Variants in FANCC observed in about 807,000 individuals in gnomAD.
The protein encoded by FANCC is Fanconi anemia group C protein.
Under a neutral mutation model 71.3 loss-of-function variants are expected in FANCC, and 55 were observed. That is an observed-to-expected ratio of 0.77 (90% CI 0.62 to 0.97). The LOEUF is 0.97. Among genes scored for constraint, FANCC ranks in the 50% least tolerant of loss-of-function variants. The probability of loss-of-function intolerance (pLI) is 0.00; values close to 1 mark genes in which losing one functional copy is unlikely to be tolerated. For missense variants in FANCC, 678 were observed against 670.9 expected (o/e 1.01, Z -0.12); for synonymous variants, 275 against 244.9 (o/e 1.12, Z -1.15).
intron 3 of FANCC, among the ~76,000 whole-genome samples, chr9:95,242,513 CAGTTTATG>C (rs907742948): frequency 6.1e-5 from 9 of 148,214 alleles, no homozygotes; most frequent in African/African-American, 9.9e-5. Flanking sequence ...AAGGAAATGT[CAGTTTATG>C]AGTTTATGAA....
At chr9:95,209,167 T>C (rs1185044758) in intron 4 of FANCC, among the ~76,000 whole-genome samples, 1 of 152,128 alleles carries the variant, frequency 6.6e-6, no homozygotes, top group African/African-American at 2.4e-5. Context: ...CAGGACATTC[T>C]GGGGAAGGAA....
At chr9:95,168,347 A>T (rs1825441734) in intron 6 of FANCC, among the ~76,000 whole-genome samples, 1 of 152,188 alleles carries the variant, frequency 6.6e-6, no homozygotes, top group Non-Finnish European at 1.5e-5. Flanking sequence ...CATCGGCAGC[A>T]CTGTCAATTC....
intron 4 of FANCC, among the ~76,000 whole-genome samples, chr9:95,236,265 T>C (rs1416416313): frequency 1.3e-5 from 2 of 152,314 alleles, no homozygotes; most frequent in East Asian, 1.9e-4. Flanking sequence ...TCCCCATCTA[T>C]TGTAGCATCT....
At chr9:95,139,821 AATATATATATATTTAT>A (rs1031750344) in intron 7 of FANCC, among the ~76,000 whole-genome samples, 13 of 145,876 alleles carry the variant, frequency 8.9e-5, no homozygotes, top group Admixed American at 4.1e-4. Context: ...TGACAAAATG[AATATATATATATTTAT>A]ATATATATAT....
rs1588181383 is a variant in FANCC, at chr9:95,149,953, A to T, written c.656T>A (p.Phe219Tyr). ...AATGGCCTCGTTTACAGCCTCAAAG[A>T]ACTCTGGCTGGAGGATTTCCTGAGG... is the stretch of plus-strand genomic sequence containing the variant. ...REPQEILQPE[F>Y]FEAVNEAILL... is the part of the protein sequence containing the mutation. Residue 219 changes from phenylalanine to tyrosine, a missense_variant, in exon 7 of 15, where the codon TTC (phenylalanine) becomes TAC (tyrosine). By Grantham distance (22) the Phe-to-Tyr change is conservative. Coordinates refer to ENST00000289081, the MANE Select transcript of FANCC (RefSeq NM_000136.3). 1 of 1,610,638 alleles carries T rather than the reference A, an allele frequency of 6.2e-7. No homozygotes were observed. Among genetic ancestry groups the T allele is most frequent in the African/African-American group, 1.3e-5 (1 of 74,888 alleles).
intron 1 of FANCC, among the ~76,000 whole-genome samples, chr9:95,305,686 T>C (rs149535855): frequency 0.011 from 1,605 of 152,332 alleles, 28 homozygotes; most frequent in African/African-American, 0.036. Context: ...AGACTTATAC[T>C]GTATTTTTGC....
chr9:95,277,161 T>C (rs569576144), intron 1 of FANCC, among the ~76,000 whole-genome samples: 3 of 152,352 alleles, frequency 2.0e-5, no homozygotes, highest in Admixed American at 2.0e-4. Context: ...ACAATTCTGA[T>C]GTTAGTTCTG....
intron 4 of FANCC, among the ~76,000 whole-genome samples, chr9:95,187,620 G>A (rs903691428): frequency 6.6e-5 from 10 of 152,022 alleles, no homozygotes; most frequent in Admixed American, 3.9e-4. Context: ...TCTTCCAACA[G>A]GACAAACACC....
At chr9:95,281,644 C>G (rs1238993558) in intron 1 of FANCC, among the ~76,000 whole-genome samples, 1 of 152,132 alleles carries the variant, frequency 6.6e-6, no homozygotes, top group East Asian at 1.9e-4. Context: ...TCTGAAGTCT[C>G]TAATACTGTA....
chr9:95,133,464 C>T (rs1047322003), intron 8 of FANCC, among the ~76,000 whole-genome samples: 1 of 152,196 alleles, frequency 6.6e-6, no homozygotes, highest in Non-Finnish European at 1.5e-5. Context: ...CTGTGTGACT[C>T]GTGGGAGATT....
chr9:95,144,104 T>A (rs1829172456), intron 7 of FANCC, among the ~76,000 whole-genome samples: 1 of 152,092 alleles, frequency 6.6e-6, no homozygotes, highest in Non-Finnish European at 1.5e-5. Context: ...AAGCATGTGG[T>A]TTCCAAATGA....
intron 10 of FANCC, among the ~76,000 whole-genome samples, chr9:95,121,810 G>GATCAAACT (rs2072901060): frequency 6.6e-6 from 1 of 151,410 alleles, no homozygotes; most frequent in Non-Finnish European, 1.5e-5. Context: ...ATATATATGT[G>GATCAAACT]ATCAAACTAC....
chr9:95,244,678 C>CAAAAAAAAAAAAAA (rs576605250), intron 3 of FANCC, among the ~76,000 whole-genome samples: 1 of 41,554 alleles, frequency 2.4e-5, no homozygotes, highest in Non-Finnish European at 4.0e-5. Context: ...GACTTTGTCT[C>CAAAAAAAAAAAAAA]AAAAAAAAAA....
intron 4 of FANCC, among the ~76,000 whole-genome samples, chr9:95,190,698 G>C (rs750084216): frequency 6.6e-6 from 1 of 152,194 alleles, no homozygotes; most frequent in Non-Finnish European, 1.5e-5. Flanking sequence ...GACCAGAGCA[G>C]GTCAGCAGGG....
intron 1 of FANCC, among the ~76,000 whole-genome samples, chr9:95,265,821 C>T (rs376493589): frequency 2.6e-4 from 39 of 152,272 alleles, no homozygotes; most frequent in African/African-American, 9.1e-4. Flanking sequence ...CTCTGAAAAT[C>T]ACTGCAAATA....
chr9:95,259,366 C>T (rs1831877447), intron 1 of FANCC, among the ~76,000 whole-genome samples: 1 of 152,146 alleles, frequency 6.6e-6, no homozygotes, highest in African/African-American at 2.4e-5. Context: ...TGGAACAGAA[C>T]AGAGGCCTCA....
intron 4 of FANCC, among the ~76,000 whole-genome samples, chr9:95,196,459 G>A (rs1039341482): frequency 2.0e-5 from 3 of 152,056 alleles, no homozygotes; most frequent in Non-Finnish European, 4.4e-5. Context: ...GCCCCTATGT[G>A]TCTGTTTTAT....
chr9:95,153,094 A>C (rs1033491587), intron 6 of FANCC, among the ~76,000 whole-genome samples: 1 of 152,202 alleles, frequency 6.6e-6, no homozygotes, highest in Non-Finnish European at 1.5e-5. Flanking sequence ...CCCACTAATA[A>C]GTGAGAACAT....
rs1017276047 is a variant in FANCC at position 95,099,443 on chromosome 9, G to A, written c.*2264C>T. 11 of 225,982 alleles carry A rather than the reference G, an allele frequency of 4.9e-5. No homozygotes were observed. The highest frequency in any genetic ancestry group is 3.7e-4 in the East Asian group (6 of 16,062). The allele number at this position is 225,982 out of a possible 1,614,324, so 14.0% of individuals were successfully genotyped here. A position where few individuals can be genotyped will look rare whatever the true frequency, so the allele number is the denominator to read the frequency against. ...GCCCCCTCGGCCACGCCGCGTCCCC[G>A]CCCAGCATCTCGGATGCCATTCCTT... On this transcript the variant is annotated 3_prime_UTR_variant, in exon 15 of 15. Transcript: ENST00000289081.
Sources: gnomAD v4.1 joint callset for allele counts (sites outside exome capture counted in the v4.1 genomes callset) on GRCh38, gnomAD v4.1.1 for gene constraint, MANE v1.5 for transcripts, NCBI Gene and HGNC (gene_info 2026-07-23, HGNC 2026-07-21) for gene names.